TRPM3: variants seen among roughly 807,000 people sequenced by gnomAD.
The protein encoded by TRPM3 is long transient receptor potential channel 3.
Under a neutral mutation model 181.2 loss-of-function variants are expected in TRPM3, and 77 were observed. The ratio of observed to expected loss-of-function variants is 0.42; its 90% CI spans 0.35 to 0.51. The LOEUF (loss-of-function observed/expected upper bound fraction) is 0.51. TRPM3 is among the 20% of genes least tolerant of loss of function. The pLI is 0.01. For missense variants in TRPM3, 1,759 were observed against 2,196.7 expected (o/e 0.80, Z 3.98); for synonymous variants, 745 against 796.4 (o/e 0.94, Z 1.09).
At chr9:70,610,805 C>A in intron 18 of TRPM3, 56 bp from the exon 19 acceptor site, 1 of 1,595,050 alleles carries the variant, frequency 6.3e-7, no homozygotes, top group South Asian at 1.1e-5. Flanking sequence ...GCATGTTGTT[C>A]AATGTGCTTA....
chr9:70,602,721 A>G (rs1017731378), intron 20 of TRPM3, among the ~76,000 whole-genome samples: 3 of 152,212 alleles, frequency 2.0e-5, no homozygotes, highest in Non-Finnish European at 4.4e-5. Flanking sequence ...TCTGATTTCA[A>G]ATAAACCATT....
chr9:71,260,616 C>A (rs1260326269), intron 1 of TRPM3, among the ~76,000 whole-genome samples: 1 of 152,032 alleles, frequency 6.6e-6, no homozygotes, highest in Non-Finnish European at 1.5e-5. Flanking sequence ...AGTTGTATTC[C>A]AAGGTGTTTT....
At chr9:71,334,636 C>G (rs1291259962) in intron 1 of TRPM3, among the ~76,000 whole-genome samples, 2 of 152,096 alleles carry the variant, frequency 1.3e-5, no homozygotes, top group Admixed American at 1.3e-4. Context: ...TCCTTTATCT[C>G]AAATTGTGTT....
chr9:71,424,763 G>A (rs1457288905), intron 1 of TRPM3, among the ~76,000 whole-genome samples: 1 of 151,954 alleles, frequency 6.6e-6, no homozygotes, highest in African/African-American at 2.4e-5. Flanking sequence ...CATATTAATA[G>A]GAAAAGTACC....
intron 19 of TRPM3, among the ~76,000 whole-genome samples, chr9:70,607,847 A>G (rs983747663): frequency 1.3e-5 from 2 of 152,364 alleles, no homozygotes; most frequent in South Asian, 4.1e-4. Context: ...AAGGCTTTGT[A>G]GAACCGATAG....
intron 8 of TRPM3, among the ~76,000 whole-genome samples, chr9:70,737,731 C>T (rs1481822550): frequency 6.6e-6 from 1 of 151,166 alleles, no homozygotes; most frequent in African/African-American, 2.4e-5. Flanking sequence ...ATTCTTATAT[C>T]AGACAAAACA....
At chr9:71,317,279 A>G (rs2088696836) in intron 1 of TRPM3, among the ~76,000 whole-genome samples, 1 of 152,222 alleles carries the variant, frequency 6.6e-6, no homozygotes, top group East Asian at 1.9e-4. Flanking sequence ...GTTAAGTAAA[A>G]AAAGGCTCAT....
At chr9:71,245,545 TAATTAC>T (rs1399471799) in intron 1 of TRPM3, among the ~76,000 whole-genome samples, 1 of 152,098 alleles carries the variant, frequency 6.6e-6, no homozygotes, top group African/African-American at 2.4e-5. Flanking sequence ...AGGTGTAACA[TAATTAC>T]AATTGTTTTA....
At chr9:71,158,689 C>G (rs1405429939) in intron 1 of TRPM3, among the ~76,000 whole-genome samples, 2 of 152,102 alleles carry the variant, frequency 1.3e-5, no homozygotes, top group African/African-American at 4.8e-5. Context: ...GTCAACTTGA[C>G]TAAGCCATGG....
chr9:71,322,852 C>G (rs967722527), intron 1 of TRPM3, among the ~76,000 whole-genome samples: 7 of 152,038 alleles, frequency 4.6e-5, no homozygotes, highest in African/African-American at 1.7e-4. Flanking sequence ...AAAGGCAAAC[C>G]ATAAATTAAG....
intron 8 of TRPM3, among the ~76,000 whole-genome samples, chr9:70,754,672 T>A (rs1398880297): frequency 6.6e-6 from 1 of 152,198 alleles, no homozygotes; most frequent in Non-Finnish European, 1.5e-5. Context: ...AGATATCACA[T>A]CAACTCTAGA....
intron 1 of TRPM3, among the ~76,000 whole-genome samples, chr9:71,218,400 A>G (rs1279979535): frequency 6.6e-6 from 1 of 152,246 alleles, no homozygotes; most frequent in Non-Finnish European, 1.5e-5. Context: ...AACCATTTTT[A>G]GATGAGTAAA....
intron 1 of TRPM3, among the ~76,000 whole-genome samples, chr9:70,971,085 A>G (rs994657699): frequency 2.6e-5 from 4 of 152,162 alleles, no homozygotes; most frequent in African/African-American, 9.7e-5. Context: ...CTTAGACTCT[A>G]CTAGGGTGCT....
chr9:71,119,217 C>T (rs2073088714), intron 1 of TRPM3, among the ~76,000 whole-genome samples: 2 of 152,068 alleles, frequency 1.3e-5, no homozygotes, highest in Admixed American at 6.5e-5. Flanking sequence ...ATACAGATGT[C>T]ATTTGGGAAA....
At chr9:70,612,223 A>C (rs942880554) in intron 18 of TRPM3, among the ~76,000 whole-genome samples, 1 of 152,246 alleles carries the variant, frequency 6.6e-6, no homozygotes, top group Admixed American at 6.5e-5. Flanking sequence ...CTATAACAGC[A>C]TAATTTCTTG....
chr9:71,058,983 A>G (rs373331564), intron 1 of TRPM3, among the ~76,000 whole-genome samples: 9 of 102,352 alleles, frequency 8.8e-5, no homozygotes, highest in Non-Finnish European at 1.2e-4. Flanking sequence ...AATAAACTCT[A>G]TAATTTCTCT....
At chr9:71,324,967 T>C (rs138426670) in intron 1 of TRPM3, among the ~76,000 whole-genome samples, 235 of 151,974 alleles carry the variant, frequency 1.5e-3, no homozygotes, top group Middle Eastern at 6.8e-3. Flanking sequence ...GGAGGGAAGA[T>C]GAAGAGAAGT....
At chr9:71,433,524 G>T (rs982174874) in intron 1 of TRPM3, among the ~76,000 whole-genome samples, 2 of 152,008 alleles carry the variant, frequency 1.3e-5, no homozygotes, top group Non-Finnish European at 2.9e-5. Context: ...CCCACTCTCG[G>T]GTATGTCTTT....
intron 1 of TRPM3, among the ~76,000 whole-genome samples, chr9:71,232,267 G>A (rs887824880): frequency 6.6e-6 from 1 of 152,054 alleles, no homozygotes; most frequent in Non-Finnish European, 1.5e-5. Context: ...TCTGTGCTAG[G>A]AACCTTATCA....
Sources: allele counts gnomAD v4.1 joint callset (sites outside exome capture counted in the v4.1 genomes callset), GRCh38; gene constraint gnomAD v4.1.1; transcripts MANE v1.5; gene names NCBI Gene and HGNC (gene_info 2026-07-23, HGNC 2026-07-21).